Variants in MAPK10 observed in about 807,000 individuals in gnomAD.
MAPK10 encodes mitogen-activated protein kinase 10, also known as JNK3 alpha protein kinase.
A neutral mutation model predicts 59.3 loss-of-function variants in MAPK10; 25 were observed. The ratio of observed to expected loss-of-function variants is 0.42; its 90% CI spans 0.31 to 0.59. MAPK10 has a LOEUF of 0.59. Ranked by LOEUF, MAPK10 falls within the 20% of genes least tolerant of loss-of-function variation. MAPK10 has a pLI of 0.15. For missense variants in MAPK10, 351 were observed against 568.9 expected, an observed-to-expected ratio of 0.62 and a Z score of 3.90; for synonymous variants, 190 against 200.5, an observed-to-expected ratio of 0.95 and a Z score of 0.44.
rs543033912 is a variant in MAPK10, at chr4:86,301,475, A to T, written c.-7+53055T>A. On this transcript the variant is annotated intron_variant, in intron 2 of 13. Transcript: ENST00000641462. ...GTGTCTGCTGAAAACAAAGTCTTGG[A>T]GCTGCCACAGCCATACGTAACTGTC... 2.0e-5 allele frequency among the ~76,000 whole-genome samples: 3 copies of T among 152,168 alleles called. No homozygotes were observed. The East Asian group carries it at 5.8e-4, about 29-fold the overall frequency.
chr4:86,479,150 G>A (rs1370052847), intron 1 of MAPK10, among the ~76,000 whole-genome samples: 1 of 152,114 alleles, frequency 6.6e-6, no homozygotes, highest in African/African-American at 2.4e-5. Flanking sequence ...CTTTCCTTCT[G>A]TCAGACAGAA....
chr4:86,067,275 G>A (rs2046934508), intron 10 of MAPK10, among the ~76,000 whole-genome samples: 1 of 152,122 alleles, frequency 6.6e-6, no homozygotes, highest in Non-Finnish European at 1.5e-5. Flanking sequence ...CTGAGTAGCT[G>A]GGACTAGAGG....
chr4:86,459,696 T>C (rs1751554170), intron 1 of MAPK10, among the ~76,000 whole-genome samples: 3 of 152,302 alleles, frequency 2.0e-5, no homozygotes, highest in East Asian at 1.9e-4. Context: ...TTCTCACTTA[T>C]ATGTGGGAGC....
intron 1 of MAPK10, among the ~76,000 whole-genome samples, chr4:86,492,814 T>G (rs1047044403): frequency 6.6e-6 from 1 of 152,172 alleles, no homozygotes; most frequent in Non-Finnish European, 1.5e-5. Context: ...GGAAATATGC[T>G]GACAATACCT....
intron 2 of MAPK10, among the ~76,000 whole-genome samples, chr4:86,199,405 CTT>C (rs796683660): frequency 6.6e-6 from 1 of 151,076 alleles, no homozygotes; most frequent in African/African-American, 2.4e-5. Context: ...GACAACATCT[CTT>C]TTTTTTGTTA....
intron 1 of MAPK10, chr4:86,542,617 A>T (rs1007073505): frequency 6.5e-6 from 1 of 154,326 alleles, no homozygotes; most frequent in Non-Finnish European, 1.5e-5. Flanking sequence ...TCTAAAAAAA[A>T]GAAACTCCCT....
chr4:86,314,046 T>C (rs935450158), intron 2 of MAPK10, among the ~76,000 whole-genome samples: 2 of 152,158 alleles, frequency 1.3e-5, no homozygotes, highest in Non-Finnish European at 2.9e-5. Context: ...ATGGATGGAC[T>C]TTACAGACAT....
intron 1 of MAPK10, among the ~76,000 whole-genome samples, chr4:86,413,095 T>A (rs1044399356): frequency 6.6e-6 from 1 of 152,182 alleles, no homozygotes; most frequent in Non-Finnish European, 1.5e-5. Context: ...TTGGTGTAGA[T>A]GTCCTTTTTG....
At chr4:86,030,334 A>G (rs2038727753) in intron 12 of MAPK10, among the ~76,000 whole-genome samples, 2 of 151,464 alleles carry the variant, frequency 1.3e-5, no homozygotes, top group African/African-American at 2.4e-5. Context: ...TTTATTTTAC[A>G]TATATATATA....
chr4:86,495,374 C>T (rs1227262137), intron 1 of MAPK10, among the ~76,000 whole-genome samples: 1 of 152,144 alleles, frequency 6.6e-6, no homozygotes, highest in Admixed American at 6.5e-5. Context: ...CCAATCTGGC[C>T]TATCCACACC....
At position 86,064,341 on chromosome 4, in the gene MAPK10, T is replaced by C. The variant is rs755131311; in HGVS notation, c.1035A>G (p.Ala345=). The change falls in exon 11 of 14, where the codon GCA becomes GCG. Residue 345 remains alanine (A), a synonymous_variant. Coordinates refer to ENST00000641462, the MANE Select transcript of MAPK10 (RefSeq NM_138982.4). ...LLSKMLVIDP[A]KRISVDDALQ... is the part of the protein sequence containing the mutation. The stretch of plus-strand genomic sequence containing the variant: ...AGGCGTCGTCCACTGATATTCTTTT[T>C]GCTGGGTCAATCACTAGCATCTTTG... The C allele has an allele frequency of 3.1e-6, 5 of 1,614,196 alleles. No homozygotes were observed. Among genetic ancestry groups the C allele is most frequent in the Non-Finnish European group, 4.2e-6 (5 of 1,180,036 alleles).
At chr4:86,249,274 T>C (rs911398099) in intron 2 of MAPK10, among the ~76,000 whole-genome samples, 1 of 151,816 alleles carries the variant, frequency 6.6e-6, no homozygotes, top group African/African-American at 2.4e-5. Context: ...TGGAGGTGGG[T>C]GGCTGCTAGC....
chr4:86,317,842 G>C (rs998723126), intron 2 of MAPK10, among the ~76,000 whole-genome samples: 11 of 152,208 alleles, frequency 7.2e-5, no homozygotes, highest in African/African-American at 1.9e-4. Flanking sequence ...TTCTCTCACA[G>C]TGCTGGAGGC....
At position 86,506,188 on chromosome 4, in the gene MAPK10, G is replaced by A. The variant is rs1410464517; in HGVS notation, c.-263+87722C>T. 3.3e-5 allele frequency among the ~76,000 whole-genome samples: 5 copies of A among 152,052 alleles called. No individual in the cohort carries two copies. The East Asian group carries it at 7.7e-4, about 23-fold the overall frequency. On this transcript the variant is annotated intron_variant, in intron 1 of 4. Coordinates refer to the MAPK10 transcript ENST00000502302. Reference sequence around the variant, plus strand: ...GTCGGTCATATGAAAATCCAGGAAGGGAAAAATTAATTCTGAACATAATAC... The same window carrying A: ...GTCGGTCATATGAAAATCCAGGAAGAGAAAAATTAATTCTGAACATAATAC...
chr4:86,395,524 A>G (rs1228036393), intron 1 of MAPK10, among the ~76,000 whole-genome samples: 1 of 152,176 alleles, frequency 6.6e-6, no homozygotes, highest in African/African-American at 2.4e-5. Flanking sequence ...TCAGCAATCA[A>G]TCACCAGGTA....
intron 1 of MAPK10, among the ~76,000 whole-genome samples, chr4:86,380,809 C>A (rs1740575672): frequency 6.8e-6 from 1 of 148,090 alleles, no homozygotes; most frequent in Admixed American, 6.8e-5. Context: ...AGTTGTGGTT[C>A]TGTCATTCCC....
At chr4:86,090,888 A>G (rs1387931735) in intron 9 of MAPK10, 1 of 152,146 alleles carries the variant, frequency 6.6e-6, no homozygotes, top group African/African-American at 2.4e-5. Context: ...GACTTAGGAA[A>G]CATCTATTTC....
chr4:86,349,633 G>A (rs1400035645), intron 2 of MAPK10, among the ~76,000 whole-genome samples: 3 of 152,172 alleles, frequency 2.0e-5, no homozygotes, highest in Non-Finnish European at 4.4e-5. Flanking sequence ...GGATGAAAGG[G>A]ATCTGAGAGG....
At chr4:86,544,954 G>A (rs541385115) in intron 1 of MAPK10, among the ~76,000 whole-genome samples, 3 of 152,126 alleles carry the variant, frequency 2.0e-5, no homozygotes, top group Admixed American at 1.3e-4. Context: ...GTTTGAAATG[G>A]AAGGGAGAAA....
Sources: gnomAD v4.1 joint callset for allele counts (sites outside exome capture counted in the v4.1 genomes callset) on GRCh38, gnomAD v4.1.1 for gene constraint, MANE v1.5 for transcripts, NCBI Gene and HGNC (gene_info 2026-07-23, HGNC 2026-07-21) for gene names.